The following PABPC4L variants were observed in gnomAD, a reference collection of about 807,000 sequenced individuals.
PABPC4L encodes poly(A) binding protein cytoplasmic 4 like.
For synonymous variants in PABPC4L, 169 were observed against 164.1 expected (o/e 1.03, Z -0.23); for missense variants, 452 against 451.4 (o/e 1.00, Z -0.01).
At chr4:134,010,169 A>T in the PABPC4L span, among the ~76,000 whole-genome samples, 1 of 152,050 alleles carries the variant, frequency 6.6e-6, no homozygotes, top group Admixed American at 6.6e-5. Flanking sequence ...TACTTAAGTC[A>T]AAATATTAAG....
At chr4:134,151,303 A>G in the PABPC4L span, among the ~76,000 whole-genome samples, 1 of 152,154 alleles carries the variant, frequency 6.6e-6, no homozygotes, top group Non-Finnish European at 1.5e-5. Flanking sequence ...TAAAAAGAAC[A>G]CAAAATTAAA....
the PABPC4L span, among the ~76,000 whole-genome samples, chr4:133,987,957 CCTT>C: frequency 6.6e-6 from 1 of 152,208 alleles, no homozygotes; most frequent in East Asian, 1.9e-4. Context: ...GCAAACATAT[CCTT>C]CTTCACATGG....
At chr4:133,998,204 A>C in the PABPC4L span, among the ~76,000 whole-genome samples, 1 of 151,814 alleles carries the variant, frequency 6.6e-6, no homozygotes, top group South Asian at 2.1e-4. Flanking sequence ...TATATTAATT[A>C]TACTATTTCT....
the PABPC4L span, among the ~76,000 whole-genome samples, chr4:134,148,979 T>C: frequency 6.6e-6 from 1 of 152,050 alleles, no homozygotes; most frequent in African/African-American, 2.4e-5. Flanking sequence ...ATATTCTCAA[T>C]TGCATCACTG....
the PABPC4L span, among the ~76,000 whole-genome samples, chr4:134,177,191 T>C: frequency 1.3e-5 from 2 of 149,734 alleles, no homozygotes; most frequent in South Asian, 2.1e-4. Flanking sequence ...CTTTTCTTTT[T>C]TTTTTTTTTT....
the PABPC4L span, among the ~76,000 whole-genome samples, chr4:134,143,806 G>T: frequency 6.6e-6 from 1 of 151,156 alleles, no homozygotes; most frequent in African/African-American, 2.4e-5. Flanking sequence ...TTACTTTCCT[G>T]GAATTTTACA....
At chr4:134,038,223 C>A in the PABPC4L span, among the ~76,000 whole-genome samples, 28,579 of 151,982 alleles carry the variant, frequency 0.19, 3,331 homozygotes, top group Middle Eastern at 0.26. Context: ...ATTTGGTGTG[C>A]CAGTATTTTG....
the PABPC4L span, among the ~76,000 whole-genome samples, chr4:134,135,417 T>G: frequency 6.6e-6 from 1 of 152,138 alleles, no homozygotes; most frequent in Non-Finnish European, 1.5e-5. Context: ...TTATCAAATC[T>G]GCATCTCACA....
the PABPC4L span, among the ~76,000 whole-genome samples, chr4:133,978,351 T>G: frequency 3.3e-5 from 5 of 152,180 alleles, no homozygotes; most frequent in Non-Finnish European, 7.3e-5. Flanking sequence ...CTTATGCCTG[T>G]CATCCCACCA....
the PABPC4L span, among the ~76,000 whole-genome samples, chr4:134,034,462 A>G: frequency 7.9e-5 from 12 of 152,146 alleles, no homozygotes; most frequent in East Asian, 2.3e-3. Context: ...CAGCTGCTAT[A>G]GAGAGTGATT....
At chr4:134,192,096 C>T (rs1437329815), downstream of PABPC4L, among the ~76,000 whole-genome samples, 2 of 151,912 alleles carry the variant, frequency 1.3e-5, no homozygotes, top group Non-Finnish European at 2.9e-5. Flanking sequence ...GTATTCATTA[C>T]AGCCAGAGTA....
the PABPC4L span, among the ~76,000 whole-genome samples, chr4:134,061,191 A>C: frequency 6.6e-6 from 1 of 152,190 alleles, no homozygotes; most frequent in East Asian, 1.9e-4. Flanking sequence ...CATGTAACAC[A>C]TCAATATATA....
At chr4:134,114,880 T>A in the PABPC4L span, among the ~76,000 whole-genome samples, 5 of 151,916 alleles carry the variant, frequency 3.3e-5, no homozygotes, top group Admixed American at 6.6e-5. Context: ...ACAAATAATA[T>A]CCATCCTTTT....
chr4:134,121,562 T>C, the PABPC4L span, among the ~76,000 whole-genome samples: 2 of 151,730 alleles, frequency 1.3e-5, no homozygotes, highest in Non-Finnish European at 3.0e-5. Flanking sequence ...GAATATAGCT[T>C]CCCATAGGTC....
chr4:134,000,269 G>A, the PABPC4L span, among the ~76,000 whole-genome samples: 2 of 152,082 alleles, frequency 1.3e-5, no homozygotes, highest in Non-Finnish European at 2.9e-5. Context: ...AACATTAGAT[G>A]ACAAAAGCAA....
At chr4:134,044,039 C>T in the PABPC4L span, among the ~76,000 whole-genome samples, 5 of 151,678 alleles carry the variant, frequency 3.3e-5, no homozygotes, top group African/African-American at 4.8e-5. Context: ...TGCAGGGGCA[C>T]GATGGTGACT....
the PABPC4L span, among the ~76,000 whole-genome samples, chr4:134,155,716 C>T: frequency 6.6e-6 from 1 of 151,878 alleles, no homozygotes; most frequent in African/African-American, 2.4e-5. Context: ...AGCTGTCTTC[C>T]ATGGTTATTT....
the PABPC4L span, among the ~76,000 whole-genome samples, chr4:134,052,240 G>C: frequency 1.1e-4 from 16 of 152,078 alleles, no homozygotes; most frequent in Admixed American, 5.9e-4. Flanking sequence ...ATATGTACAA[G>C]TTGTAATGAC....
chr4:134,167,466 T>C, the PABPC4L span, among the ~76,000 whole-genome samples: 1 of 151,796 alleles, frequency 6.6e-6, no homozygotes, highest in Non-Finnish European at 1.5e-5. Flanking sequence ...ATCAAAATTC[T>C]CCAATACAAA....
Sources: gnomAD v4.1 joint callset for allele counts (sites outside exome capture counted in the v4.1 genomes callset) on GRCh38, gnomAD v4.1.1 for gene constraint, MANE v1.5 for transcripts, NCBI Gene and HGNC (gene_info 2026-07-23, HGNC 2026-07-21) for gene names.